PRKG1: variants seen among roughly 807,000 people sequenced by gnomAD.
The protein encoded by PRKG1 is cGMP-dependent protein kinase 1.
Under a neutral mutation model 88.1 loss-of-function variants are expected in PRKG1, and 35 were observed. That is an observed-to-expected ratio of 0.40 (90% CI 0.30 to 0.53). PRKG1 has a LOEUF of 0.53. Ranked by LOEUF, PRKG1 falls within the 20% of genes least tolerant of loss-of-function variation. The probability of loss-of-function intolerance (pLI) is 0.59; values close to 1 mark genes in which losing one functional copy is unlikely to be tolerated. For synonymous variants in PRKG1, 303 were observed against 292.5 expected, an observed-to-expected ratio of 1.04 and a Z score of -0.37; for missense variants, 540 against 839.8, an observed-to-expected ratio of 0.64 and a Z score of 4.41.
intron 5 of PRKG1, among the ~76,000 whole-genome samples, chr10:51,995,036 GC>G (rs753966620): frequency 5.9e-5 from 9 of 151,806 alleles, no homozygotes; most frequent in Non-Finnish European, 1.2e-4. Context: ...CTATTAATCG[GC>G]ACTTAATATT....
intron 1 of PRKG1, among the ~76,000 whole-genome samples, chr10:51,086,206 G>A (rs925666582): frequency 6.6e-6 from 1 of 152,196 alleles, no homozygotes; most frequent in South Asian, 2.1e-4. Flanking sequence ...AGCTCACTGT[G>A]AATGAGTTAT....
chr10:51,291,531 G>T (rs1259534515), intron 2 of PRKG1, among the ~76,000 whole-genome samples: 1 of 152,126 alleles, frequency 6.6e-6, no homozygotes, highest in Non-Finnish European at 1.5e-5. Context: ...TCCTTGCTCA[G>T]ATTCTATCAT....
At chr10:51,979,323 G>T (rs1843932486) in intron 5 of PRKG1, among the ~76,000 whole-genome samples, 1 of 150,704 alleles carries the variant, frequency 6.6e-6, no homozygotes, top group Non-Finnish European at 1.5e-5. Flanking sequence ...GAATGTGATG[G>T]ATACGCTTTT....
intron 3 of PRKG1, among the ~76,000 whole-genome samples, chr10:51,565,672 T>C (rs1412599426): frequency 6.6e-6 from 1 of 152,086 alleles, no homozygotes; most frequent in Non-Finnish European, 1.5e-5. Context: ...ATCTAGCAGG[T>C]TCCAAAATTA....
At chr10:51,343,142 T>G (rs1366180433) in intron 2 of PRKG1, among the ~76,000 whole-genome samples, 2 of 152,218 alleles carry the variant, frequency 1.3e-5, no homozygotes, top group Non-Finnish European at 2.9e-5. Context: ...GTTGTTGGAC[T>G]TCAGAATCTC....
At chr10:51,923,388 G>C (rs1842503164) in intron 5 of PRKG1, among the ~76,000 whole-genome samples, 1 of 151,314 alleles carries the variant, frequency 6.6e-6, no homozygotes, top group African/African-American at 2.4e-5. Flanking sequence ...CAAATTTAAA[G>C]TAGTTATAGA....
At chr10:51,388,042 C>T (rs1042681503) in intron 2 of PRKG1, among the ~76,000 whole-genome samples, 2 of 152,076 alleles carry the variant, frequency 1.3e-5, no homozygotes, top group East Asian at 3.8e-4. Context: ...AAGTGTTTAA[C>T]ATTTAATGTT....
intron 1 of PRKG1, among the ~76,000 whole-genome samples, chr10:51,031,028 A>T (rs1322004455): frequency 1.3e-5 from 2 of 152,184 alleles, no homozygotes; most frequent in African/African-American, 4.8e-5. Context: ...CTATGGAGAA[A>T]GGACTCAAGA....
chr10:51,375,757 G>A (rs1414121880), intron 2 of PRKG1, among the ~76,000 whole-genome samples: 1 of 141,418 alleles, frequency 7.1e-6, no homozygotes, highest in Non-Finnish European at 1.6e-5. Context: ...TTGGTGGTGG[G>A]GGGGTGTTAC....
intron 3 of PRKG1, among the ~76,000 whole-genome samples, chr10:51,514,368 A>G (rs1055275801): frequency 9.2e-5 from 14 of 152,176 alleles, no homozygotes; most frequent in Non-Finnish European, 1.6e-4. Context: ...TTAAATGTGT[A>G]CCCTTTGTGT....
chr10:51,357,925 C>T (rs1842400848), intron 2 of PRKG1, among the ~76,000 whole-genome samples: 1 of 151,752 alleles, frequency 6.6e-6, no homozygotes, highest in African/African-American at 2.4e-5. Context: ...CATTACTGTT[C>T]AATACATTTT....
intron 1 of PRKG1, among the ~76,000 whole-genome samples, chr10:51,085,061 T>C (rs993681232): frequency 1.3e-4 from 20 of 152,160 alleles, no homozygotes; most frequent in African/African-American, 4.3e-4. Flanking sequence ...GAAGAAAATA[T>C]GGCCAGGACA....
upstream of PRKG1, among the ~76,000 whole-genome samples, chr10:51,073,495 C>A (rs1843866494): frequency 6.6e-6 from 1 of 152,088 alleles, no homozygotes; most frequent in Non-Finnish European, 1.5e-5. Flanking sequence ...CCTCTCCCCG[C>A]CAAATTCAGC....
chr10:52,114,934 A>G (rs1432147128), intron 7 of PRKG1, among the ~76,000 whole-genome samples: 2 of 152,142 alleles, frequency 1.3e-5, no homozygotes, highest in African/African-American at 4.8e-5. Flanking sequence ...GATCCAGAAC[A>G]TAAAAGGTAA....
At chr10:52,060,852 A>G (rs1846219503) in intron 6 of PRKG1, among the ~76,000 whole-genome samples, 5 of 152,030 alleles carry the variant, frequency 3.3e-5, no homozygotes, top group Admixed American at 2.6e-4. Context: ...GAATGTTCAC[A>G]GTAACACAGT....
At chr10:51,294,562 G>A (rs1840669325) in intron 2 of PRKG1, among the ~76,000 whole-genome samples, 1 of 152,020 alleles carries the variant, frequency 6.6e-6, no homozygotes, top group African/African-American at 2.4e-5. Context: ...TAGTAATTGT[G>A]GTTTTGCCAT....
intron 4 of PRKG1, among the ~76,000 whole-genome samples, chr10:51,832,326 G>T (rs1243808493): frequency 1.3e-5 from 2 of 152,156 alleles, no homozygotes; most frequent in African/African-American, 4.8e-5. Context: ...GCACCTTCAT[G>T]TGCCAGGTGC....
intron 2 of PRKG1, among the ~76,000 whole-genome samples, chr10:51,371,674 T>C (rs1296596473): frequency 6.6e-6 from 1 of 152,056 alleles, no homozygotes; most frequent in East Asian, 1.9e-4. Context: ...CTTACTTAAG[T>C]ATCTCATTCT....
At chr10:51,429,842 C>A (rs1355972640) in intron 2 of PRKG1, among the ~76,000 whole-genome samples, 1 of 150,128 alleles carries the variant, frequency 6.7e-6, no homozygotes, top group South Asian at 2.1e-4. Context: ...AAAGAATATA[C>A]AAGAAAATGA....
Sources: allele counts gnomAD v4.1 joint callset (sites outside exome capture counted in the v4.1 genomes callset), GRCh38; gene constraint gnomAD v4.1.1; transcripts MANE v1.5; gene names NCBI Gene and HGNC (gene_info 2026-07-23, HGNC 2026-07-21).